GDAP1: variants seen among roughly 807,000 people sequenced by gnomAD.
The protein encoded by GDAP1 is ganglioside-induced differentiation-associated protein 1.
A neutral mutation model predicts 40.1 loss-of-function variants in GDAP1; 34 were observed. The observed-to-expected ratio is 0.85, with a 90% CI of 0.64 to 1.13. The LOEUF (loss-of-function observed/expected upper bound fraction) is 1.13, where lower values mean the gene tolerates loss of function less well. Ranked by LOEUF, GDAP1 falls within the 50% of genes most tolerant of loss-of-function variation. GDAP1 has a pLI of 0.00. For missense variants in GDAP1, 374 were observed against 433.7 expected, an observed-to-expected ratio of 0.86 and a Z score of 1.22; for synonymous variants, 170 against 157.4, an observed-to-expected ratio of 1.08 and a Z score of -0.60.
At chr8:74,479,986 C>CTTTTTT (rs71271807) in intron 2 of GDAP1, among the ~76,000 whole-genome samples, 1 of 102,928 alleles carries the variant, frequency 9.7e-6, no homozygotes, top group Non-Finnish European at 1.9e-5. Flanking sequence ...AATGGACTCT[C>CTTTTTT]TTTTTTTTTT....
chr8:74,445,085 C>T (rs1457737285), intron 2 of GDAP1, among the ~76,000 whole-genome samples: 7 of 152,206 alleles, frequency 4.6e-5, no homozygotes, highest in Admixed American at 4.6e-4. Flanking sequence ...ACGTCCTAGT[C>T]GACAAGCAAG....
chr8:74,425,144 C>A (rs940157513), intron 2 of GDAP1, among the ~76,000 whole-genome samples: 2 of 152,166 alleles, frequency 1.3e-5, no homozygotes, highest in African/African-American at 4.8e-5. Flanking sequence ...TGTGGATGAC[C>A]TTGGCAATGC....
intron 2 of GDAP1, among the ~76,000 whole-genome samples, chr8:74,441,038 A>G (rs1423308396): frequency 6.6e-6 from 1 of 151,988 alleles, no homozygotes; most frequent in Non-Finnish European, 1.5e-5. Flanking sequence ...ATAATTAGCT[A>G]GTCTTTAAAG....
At chr8:74,399,858 T>C (rs550210400) in intron 2 of GDAP1, among the ~76,000 whole-genome samples, 1 of 142,020 alleles carries the variant, frequency 7.0e-6, no homozygotes, top group South Asian at 2.2e-4. Flanking sequence ...AGTTGAGCGG[T>C]TTTGAGTGAG....
intron 2 of GDAP1, among the ~76,000 whole-genome samples, chr8:74,444,642 C>G (rs1459323465): frequency 4.6e-5 from 7 of 151,844 alleles, no homozygotes; most frequent in Non-Finnish European, 8.8e-5. Context: ...AAAAGTCAGC[C>G]AAAATTGAAG....
chr8:74,360,603 A>G lies in GDAP1; in HGVS notation c.484+293A>G, dbSNP rs149071543. Among the ~76,000 whole-genome samples the G allele has an allele frequency of 5.5e-3, 835 of 152,326 alleles. 8 individuals carry two copies. Among genetic ancestry groups the G allele is most frequent in the Non-Finnish European group, 8.2e-3 (561 of 68,030 alleles). On this transcript the variant is annotated intron_variant, in intron 3 of 5. Coordinates refer to ENST00000220822, the MANE Select transcript of GDAP1 (RefSeq NM_018972.4). ...ATTATGGAAGAGTAAAGAATATAAC[A>G]TGTTCTCATGAACAGATGGACTAGG...
intron 2 of GDAP1, among the ~76,000 whole-genome samples, chr8:74,463,140 C>T (rs544732235): frequency 1.1e-3 from 4 of 3,572 alleles, no homozygotes; most frequent in African/African-American, 3.9e-3. Flanking sequence ...ATTGATGTAG[C>T]ACAGTAAGCA....
intron 2 of GDAP1, among the ~76,000 whole-genome samples, chr8:74,473,112 T>A (rs1806581173): frequency 6.6e-6 from 1 of 151,936 alleles, no homozygotes; most frequent in African/African-American, 2.4e-5. Context: ...AGTGCCTGTT[T>A]ATGTTCTTTG....
rs115466662 is a variant in GDAP1 at position 74,366,014 on chromosome 8, C to T, written c.*1647C>T. ...ACTCTGTTAGAAACAAGAACTGAGT[C>T]GTGAAGAAATAAGAATTGGATTTTT... On this transcript the variant is annotated 3_prime_UTR_variant, in exon 6 of 6. Coordinates refer to ENST00000220822, the MANE Select transcript of GDAP1 (RefSeq NM_018972.4). 4,626 of 450,844 alleles carry T rather than the reference C, an allele frequency of 0.01. 181 individuals carry two copies. The highest frequency in any genetic ancestry group is 0.084 in the African/African-American group (4,202 of 49,814). The allele number at this position is 450,844 out of a possible 1,614,324, so 27.9% of individuals were successfully genotyped here.
intron 2 of GDAP1, among the ~76,000 whole-genome samples, chr8:74,447,325 A>G (rs1806243526): frequency 6.6e-6 from 1 of 152,056 alleles, no homozygotes; most frequent in Admixed American, 6.6e-5. Context: ...GAAGTTGGTA[A>G]TTATTAAAGC....
At chr8:74,380,902 A>G (rs1809941903) in intron 2 of GDAP1, among the ~76,000 whole-genome samples, 2 of 152,172 alleles carry the variant, frequency 1.3e-5, no homozygotes, top group Non-Finnish European at 2.9e-5. Flanking sequence ...GTTAAATTCA[A>G]TCTCTTCCCT....
chr8:74,402,479 A>G (rs1810363630), intron 2 of GDAP1, among the ~76,000 whole-genome samples: 1 of 150,420 alleles, frequency 6.6e-6, no homozygotes, highest in Admixed American at 6.6e-5. Context: ...TGACTAGGAA[A>G]GGGAACTCCC....
In GDAP1 at chr8:74,397,783, G is replaced by A. The variant is rs548254350; in HGVS notation, c.165+46462G>A. On this transcript the variant is annotated intron_variant, in intron 2 of 2. Coordinates refer to the GDAP1 transcript ENST00000523640. ...GCCTTGTAGTATAGTTTGAGATCAG[G>A]TAGTGTGATGCCTCCAGCTTTGTTC... 3.1e-3 allele frequency among the ~76,000 whole-genome samples: 474 copies of A among 152,294 alleles called. 1 individual carries two copies. The highest frequency in any genetic ancestry group is 6.8e-3 in the Middle Eastern group (2 of 294).
Position 74,398,010 on chromosome 8 carries a change from T to C in GDAP1, c.165+46689T>C, listed in dbSNP as rs545142851. ...TGAGCATGGAATGTTCTTCCATTTG[T>C]TTGTATCCTCTTTTATTTCATTGAG... On this transcript the variant is annotated intron_variant, in intron 2 of 2. Transcript: ENST00000523640. Among the ~76,000 whole-genome samples, 20 of 151,922 alleles carry C rather than the reference T, an allele frequency of 1.3e-4. No homozygotes were observed. In the East Asian group the frequency reaches 3.9e-3, roughly 29 times the overall value.
At chr8:74,390,342 C>T (rs1810088580) in intron 2 of GDAP1, among the ~76,000 whole-genome samples, 1 of 152,144 alleles carries the variant, frequency 6.6e-6, no homozygotes, top group African/African-American at 2.4e-5. Context: ...GTCTTTGATG[C>T]TGGTGGCCTT....
At position 74,410,975 on chromosome 8, in the gene GDAP1, G is replaced by A. The variant is rs2131553757; in HGVS notation, c.165+59654G>A. ...GGACCTGTAATCCCCAGGTGTTGAG[G>A]GAGGGAGGTGATTGGATCATGGGGG... On this transcript the variant is annotated intron_variant, in intron 2 of 2. Coordinates refer to the GDAP1 transcript ENST00000523640. Among the ~76,000 whole-genome samples, 2 of 150,200 alleles carry A rather than the reference G, an allele frequency of 1.3e-5. 1 individual carries two copies. The highest frequency in any genetic ancestry group is 5.1e-5 in the African/African-American group (2 of 39,520).
At chr8:74,402,307 A>G (rs1170482791) in intron 2 of GDAP1, among the ~76,000 whole-genome samples, 1 of 150,316 alleles carries the variant, frequency 6.7e-6, no homozygotes, top group Non-Finnish European at 1.5e-5. Context: ...TTGATCTCAG[A>G]CAGCAGTGCT....
chr8:74,437,244 A>T (rs530041809), intron 2 of GDAP1, among the ~76,000 whole-genome samples: 20 of 152,316 alleles, frequency 1.3e-4, no homozygotes, highest in Admixed American at 5.2e-4. Flanking sequence ...GATCTTAGAG[A>T]TTACCTGGTT....
At position 74,364,408 on chromosome 8, in the gene GDAP1, A is replaced by G; in HGVS notation, c.*41A>G. 1 of 1,596,118 alleles carries G rather than the reference A, an allele frequency of 6.3e-7. No individual in the cohort carries two copies. The highest frequency in any genetic ancestry group is 8.5e-7 in the Non-Finnish European group (1 of 1,170,434). On this transcript the variant is annotated 3_prime_UTR_variant, in exon 6 of 6. Coordinates refer to ENST00000220822, the MANE Select transcript of GDAP1 (RefSeq NM_018972.4). Reference sequence around the variant, plus strand: ...GTCGTGGCAGCTCATCCAAGCATTTAGCTAGACCCTGTGATTGCCCGTGGC... The same window carrying G: ...GTCGTGGCAGCTCATCCAAGCATTTGGCTAGACCCTGTGATTGCCCGTGGC...
Sources: gnomAD v4.1 joint callset for allele counts (sites outside exome capture counted in the v4.1 genomes callset) on GRCh38, gnomAD v4.1.1 for gene constraint, MANE v1.5 for transcripts, NCBI Gene and HGNC (gene_info 2026-07-23, HGNC 2026-07-21) for gene names.